The following RMST variants were observed in gnomAD, a reference collection of about 807,000 sequenced individuals.
RMST encodes long intergenic non-protein coding RNA 54.
intron 10 of RMST, among the ~76,000 whole-genome samples, chr12:97,516,774 A>G (rs755677951): frequency 1.0e-4 from 15 of 150,340 alleles, no homozygotes; most frequent in South Asian, 2.1e-4. Flanking sequence ...TAGGCTATAG[A>G]AAAAAAATCC....
chr12:97,492,855 A>T (rs1877004269), intron 6 of RMST: 1 of 152,174 alleles, frequency 6.6e-6, no homozygotes, highest in African/African-American at 2.4e-5. Context: ...ATTTTCAAAA[A>T]GATTTTGATT....
rs570643408 is a variant in RMST, at chr12:97,471,561, A to G, written n.644+5834A>G. ...GAACTGTGCTCCAAATGCTTATCACATGCTGTGTTGATGTCGGTAAAATGC... is the reference window on the plus strand; with the variant it reads ...GAACTGTGCTCCAAATGCTTATCACGTGCTGTGTTGATGTCGGTAAAATGC... On this transcript the variant is annotated intron_variant and non_coding_transcript_variant, in intron 5 of 13. Coordinates refer to ENST00000640149, the Ensembl canonical transcript of RMST. Among the ~76,000 whole-genome samples, 4 of 152,244 alleles carry G rather than the reference A, an allele frequency of 2.6e-5. No homozygotes were observed. In the East Asian group the frequency reaches 7.7e-4, roughly 29 times the overall value.
At chr12:97,545,606 C>T (rs1041052031) in intron 11 of RMST, among the ~76,000 whole-genome samples, 1 of 152,100 alleles carries the variant, frequency 6.6e-6, no homozygotes, top group Admixed American at 6.6e-5. Context: ...AAAGCACTCT[C>T]AGTTTTTGGC....
chr12:97,502,586 G>A (rs761439087), intron 10 of RMST, among the ~76,000 whole-genome samples: 4 of 151,764 alleles, frequency 2.6e-5, no homozygotes, highest in South Asian at 2.1e-4. Flanking sequence ...TCAGCCTCCC[G>A]AGTAGCTCAG....
At chr12:97,513,145 G>A (rs1879587010) in intron 10 of RMST, among the ~76,000 whole-genome samples, 2 of 152,186 alleles carry the variant, frequency 1.3e-5, no homozygotes, top group African/African-American at 4.8e-5. Context: ...GCAAGCTGAG[G>A]GGGCCGGCTC....
chr12:97,542,611 CA>C (rs1882632696), intron 11 of RMST, among the ~76,000 whole-genome samples: 1 of 151,854 alleles, frequency 6.6e-6, no homozygotes, highest in African/African-American at 2.4e-5. Context: ...GCCCAAACCC[CA>C]AAACACATAG....
At chr12:97,481,782 A>C (rs1242422399) in intron 5 of RMST, among the ~76,000 whole-genome samples, 1 of 152,194 alleles carries the variant, frequency 6.6e-6, no homozygotes. Context: ...TCTTTTTAGA[A>C]TAAAGTTGGG....
At chr12:97,563,950 C>T (rs1209868782) in intron 13 of RMST, 1 of 469,682 alleles carries the variant, frequency 2.1e-6, no homozygotes, top group South Asian at 1.5e-5. Flanking sequence ...GAACGTTAGC[C>T]TGTGGAGCTG....
intron 11 of RMST, among the ~76,000 whole-genome samples, chr12:97,549,751 A>G (rs1228235538): frequency 2.2e-4 from 34 of 152,168 alleles, no homozygotes; most frequent in Admixed American, 2.2e-3. Flanking sequence ...TGTCTTTACT[A>G]TCTGTCAGCA....
intron 5 of RMST, chr12:97,492,010 C>T (rs760578588): frequency 3.8e-6 from 2 of 526,636 alleles, no homozygotes; most frequent in Middle Eastern, 3.2e-4. Context: ...CCCTTGAGAA[C>T]TGGAGTTTGG....
At chr12:97,515,471 A>G (rs1022458491) in intron 10 of RMST, among the ~76,000 whole-genome samples, 1 of 152,082 alleles carries the variant, frequency 6.6e-6, no homozygotes, top group South Asian at 2.1e-4. Flanking sequence ...TCTCTGAAAA[A>G]TCTTTAAAAC....
intron 10 of RMST, among the ~76,000 whole-genome samples, chr12:97,507,929 A>G (rs1485028191): frequency 6.6e-6 from 1 of 152,208 alleles, no homozygotes; most frequent in African/African-American, 2.4e-5. Context: ...GACACAAGGA[A>G]GCGAGAGACA....
intron 9 of RMST, among the ~76,000 whole-genome samples, chr12:97,495,331 T>C (rs1877285162): frequency 6.6e-6 from 1 of 152,040 alleles, no homozygotes; most frequent in African/African-American, 2.4e-5. Context: ...GATTGTGAGA[T>C]AAGTGGCGAT....
At chr12:97,520,727 C>T (rs957334523) in intron 10 of RMST, among the ~76,000 whole-genome samples, 3 of 152,124 alleles carry the variant, frequency 2.0e-5, no homozygotes, top group Non-Finnish European at 2.9e-5. Flanking sequence ...TGTGTATGTG[C>T]TTTGTAGGGC....
chr12:97,464,044 C>T (rs1457133048), intron 4 of RMST, among the ~76,000 whole-genome samples: 1 of 152,096 alleles, frequency 6.6e-6, no homozygotes, highest in East Asian at 1.9e-4. Context: ...AAAAAGAAAT[C>T]TGCAAATGTG....
At chr12:97,489,480 A>T (rs1345961387) in intron 5 of RMST, among the ~76,000 whole-genome samples, 2 of 151,910 alleles carry the variant, frequency 1.3e-5, no homozygotes, top group Non-Finnish European at 2.9e-5. Context: ...GGCTACTTTT[A>T]GCTTGTTAGG....
chr12:97,501,532 G>A (rs887683111), intron 10 of RMST, among the ~76,000 whole-genome samples: 1 of 152,094 alleles, frequency 6.6e-6, no homozygotes, highest in African/African-American at 2.4e-5. Flanking sequence ...CTCACCCACC[G>A]TATCCAAGCA....
At position 97,543,184 on chromosome 12, in the gene RMST, G is replaced by A. The variant is rs1444518228; in HGVS notation, n.1545+12325G>A. On this transcript the variant is annotated intron_variant and non_coding_transcript_variant, in intron 11 of 13. Transcript: ENST00000640149. Reference sequence around the variant, plus strand: ...TGGATTATTTTTGTTGCATCCAAATGGTTGGGATTTCAGTGAAGCAGTTAC... The same window carrying A: ...TGGATTATTTTTGTTGCATCCAAATAGTTGGGATTTCAGTGAAGCAGTTAC... Among the ~76,000 whole-genome samples, 6 of 152,116 alleles carry A rather than the reference G, an allele frequency of 3.9e-5. No homozygotes were observed. In the East Asian group the frequency reaches 7.8e-4, roughly 20 times the overall value.
chr12:97,563,345 A>C (rs535382985), intron 13 of RMST: 3 of 188,042 alleles, frequency 1.6e-5, no homozygotes, highest in Non-Finnish European at 3.3e-5. Flanking sequence ...ATAGTCAAAC[A>C]GGTACTAAGA....
Sources: gnomAD v4.1 joint callset for allele counts (sites outside exome capture counted in the v4.1 genomes callset) on GRCh38, gnomAD v4.1.1 for gene constraint, MANE v1.5 for transcripts, NCBI Gene and HGNC (gene_info 2026-07-23, HGNC 2026-07-21) for gene names.